The following RSF1 variants were observed in gnomAD, a reference collection of about 807,000 sequenced individuals.
RSF1 encodes remodeling and spacing factor 1.
A neutral mutation model predicts 145.2 loss-of-function variants in RSF1; 13 were observed. The ratio of observed to expected loss-of-function variants is 0.09; its 90% CI spans 0.06 to 0.14. The LOEUF is 0.14. Among genes scored for constraint, RSF1 ranks in the 10% least tolerant of loss-of-function variants. The pLI is 1.00. For missense variants in RSF1, 1,517 were observed against 1,718.2 expected, an observed-to-expected ratio of 0.88 and a Z score of 2.07; for synonymous variants, 577 against 592.6, an observed-to-expected ratio of 0.97 and a Z score of 0.38.
At chr11:77,788,383 T>C (rs1470756486) in intron 1 of RSF1, among the ~76,000 whole-genome samples, 2 of 148,222 alleles carry the variant, frequency 1.3e-5, no homozygotes, top group Non-Finnish European at 3.0e-5. Flanking sequence ...GAGGAAAAAC[T>C]GAAAACATGT....
the RSF1 span, chr11:77,869,920 T>C: frequency 1.8e-6 from 2 of 1,096,090 alleles, no homozygotes; most frequent in Admixed American, 1.9e-5. Context: ...ATATATCATG[T>C]ACCCTCATTT....
At chr11:77,731,018 G>A (rs2034657736) in intron 4 of RSF1, among the ~76,000 whole-genome samples, 2 of 152,200 alleles carry the variant, frequency 1.3e-5, no homozygotes, top group Non-Finnish European at 2.9e-5. Flanking sequence ...CTTAAAAAAT[G>A]GGTAAAAGGC....
chr11:77,699,690 C>T (rs1240606603), intron 6 of RSF1, among the ~76,000 whole-genome samples: 1 of 152,112 alleles, frequency 6.6e-6, no homozygotes, highest in East Asian at 1.9e-4. Flanking sequence ...TTTTGGAGGG[C>T]AATGTGGAAG....
intron 13 of RSF1, among the ~76,000 whole-genome samples, chr11:77,676,398 T>C (rs189013673): frequency 2.6e-5 from 4 of 152,292 alleles, no homozygotes; most frequent in African/African-American, 9.6e-5. Flanking sequence ...TCTTCTATAC[T>C]GGATTACCAG....
Position 77,663,368 on chromosome 11 carries a change from T to C in RSF1, c.*3549A>G, listed in dbSNP as rs1377378012. 1.3e-5 allele frequency: 2 copies of C among 152,202 alleles called. No homozygotes were observed. Among genetic ancestry groups the C allele is most frequent in the Non-Finnish European group, 2.9e-5 (2 of 68,026 alleles). 9.4% of individuals were successfully genotyped at this position (152,202 alleles called of 1,614,324 possible). Reference sequence around the variant, plus strand: ...CATGTTTTTCTTAATATGTGTACTTTGCTCAAATGTATATTATAGGATGGG... The same window carrying C: ...CATGTTTTTCTTAATATGTGTACTTCGCTCAAATGTATATTATAGGATGGG... On this transcript the variant is annotated 3_prime_UTR_variant, in exon 16 of 16. Transcript: ENST00000308488.
At chr11:77,848,842 G>A in the RSF1 span, among the ~76,000 whole-genome samples, 1 of 152,102 alleles carries the variant, frequency 6.6e-6, no homozygotes, top group Non-Finnish European at 1.5e-5. Context: ...CTGGAGTGCA[G>A]GGTTGTAATC....
At chr11:77,677,200 G>A in intron 12 of RSF1, 1 of 559,548 alleles carries the variant, frequency 1.8e-6, no homozygotes. Context: ...CTGAAGAGAA[G>A]TTTACTATGT....
At chr11:77,746,807 T>C (rs1948007020) in intron 3 of RSF1, among the ~76,000 whole-genome samples, 1 of 152,186 alleles carries the variant, frequency 6.6e-6, no homozygotes, top group Non-Finnish European at 1.5e-5. Flanking sequence ...TTGGAGCAAC[T>C]GCTTGCCCAT....
chr11:77,704,880 T>C (rs1168586349), intron 5 of RSF1, among the ~76,000 whole-genome samples: 1 of 151,886 alleles, frequency 6.6e-6, no homozygotes, highest in Non-Finnish European at 1.5e-5. Context: ...AGCCTCCCAG[T>C]AGCTGGGATT....
At chr11:77,831,507 T>C in the RSF1 span, among the ~76,000 whole-genome samples, 3 of 152,122 alleles carry the variant, frequency 2.0e-5, no homozygotes, top group African/African-American at 7.2e-5. Flanking sequence ...AGTAGATCTC[T>C]GTTGGAGCCT....
At chr11:77,703,067 C>A (rs1287117263) in intron 5 of RSF1, 1 of 152,118 alleles carries the variant, frequency 6.6e-6, no homozygotes, top group Non-Finnish European at 1.5e-5. Context: ...TCAATTTATT[C>A]ATTGAAACAT....
intron 4 of RSF1, 100 bp downstream of exon 4, chr11:77,740,631 C>CA (rs1261133513): frequency 8.7e-7 from 1 of 1,153,910 alleles, no homozygotes; most frequent in African/African-American, 1.5e-5. Flanking sequence ...AACTCACACA[C>CA]AAAAAACCAC....
intron 1 of RSF1, among the ~76,000 whole-genome samples, chr11:77,770,594 C>G (rs1948272777): frequency 6.6e-6 from 1 of 152,326 alleles, no homozygotes; most frequent in Non-Finnish European, 1.5e-5. Context: ...ATCTGCTGTT[C>G]CAATTTAGTT....
At chr11:77,720,221 C>T (rs1432436597) in intron 5 of RSF1, among the ~76,000 whole-genome samples, 6 of 152,146 alleles carry the variant, frequency 3.9e-5, no homozygotes, top group African/African-American at 1.4e-4. Flanking sequence ...ATATGAAATT[C>T]TCAAGTGATA....
intron 11 of RSF1, among the ~76,000 whole-genome samples, chr11:77,678,437 G>A (rs944843448): frequency 4.6e-5 from 7 of 151,976 alleles, no homozygotes; most frequent in African/African-American, 1.7e-4. Flanking sequence ...GAATGGTCTC[G>A]ATCTCGACCT....
chr11:77,740,113 C>T lies in RSF1; in HGVS notation c.578+618G>A, dbSNP rs567806103. Among the ~76,000 whole-genome samples, 149 of 152,348 alleles carry T rather than the reference C, an allele frequency of 9.8e-4. 1 individual carries two copies. Among genetic ancestry groups the T allele is most frequent in the Admixed American group, 7.4e-3 (114 of 15,306 alleles). ...GCTAAAGGCTGGGCCTGGTGGCCAA[C>T]GCCTGTAATCCCAGCACTTTGGGAG... On this transcript the variant is annotated intron_variant, in intron 4 of 15. Coordinates refer to ENST00000308488, the MANE Select transcript of RSF1 (RefSeq NM_016578.4).
At chr11:77,866,098 T>C in the RSF1 span, among the ~76,000 whole-genome samples, 3 of 152,196 alleles carry the variant, frequency 2.0e-5, no homozygotes, top group African/African-American at 4.8e-5. Flanking sequence ...CCATTTATGC[T>C]CACTTAATTT....
chr11:77,734,571 A>G, intron 4 of RSF1: 2 of 1,545,138 alleles, frequency 1.3e-6, no homozygotes, highest in Non-Finnish European at 8.8e-7. Context: ...AGTTGGTCAC[A>G]TGGTCATCCA....
upstream of RSF1, chr11:77,821,161 C>G (rs535373455): frequency 2.9e-5 from 11 of 384,024 alleles, no homozygotes; most frequent in Non-Finnish European, 4.6e-5. Flanking sequence ...GAGCGCAGAT[C>G]CCGAAGCAGC....
Sources: gnomAD v4.1 joint callset for allele counts (sites outside exome capture counted in the v4.1 genomes callset) on GRCh38, gnomAD v4.1.1 for gene constraint, MANE v1.5 for transcripts, NCBI Gene and HGNC (gene_info 2026-07-23, HGNC 2026-07-21) for gene names.